Variants in SNED1 observed in about 807,000 individuals in gnomAD.
SNED1 encodes sushi, nidogen and EGF-like domain-containing protein 1.
A neutral mutation model predicts 166.7 loss-of-function variants in SNED1; 81 were observed. That is an observed-to-expected ratio of 0.49 (90% CI 0.41 to 0.58). The LOEUF is 0.58. Ranked by LOEUF, SNED1 falls within the 20% of genes least tolerant of loss-of-function variation. The pLI is 0.00. For synonymous variants in SNED1, 762 were observed against 822.0 expected, an observed-to-expected ratio of 0.93 and a Z score of 1.25; for missense variants, 1,604 against 2,000.2, an observed-to-expected ratio of 0.80 and a Z score of 3.78.
Position 241,033,862 on chromosome 2 carries a change from G to T in SNED1, c.629G>T (p.Gly210Val). 6.2e-7 allele frequency: 1 copy of T among 1,603,718 alleles called. No individual in the cohort carries two copies. The highest frequency in any genetic ancestry group is 8.5e-7 in the Non-Finnish European group (1 of 1,175,982). The change falls in exon 3 of 32, where the codon GGC (glycine) becomes GTC (valine). Residue 210 changes from glycine to valine, a missense_variant. By Grantham distance (109) the Gly-to-Val change is moderately radical. Around this residue, in one of 2 missense-constraint regions of SNED1, gnomAD observed 1,237 missense variants for 1,620.8 expected, o/e 0.76. Coordinates refer to ENST00000310397, the MANE Select transcript of SNED1 (RefSeq NM_001080437.3). ...GGGGGCAACGCCACTGGCCTCGGGG[G>T]CATCGCAGCCCAGGTAGGCGAGTGC... ...SSGGNATGLGGIAAQAGFNAG... is the reference protein window; with the variant it reads ...SSGGNATGLGVIAAQAGFNAG...
rs764185042 is a variant in SNED1, at chr2:241,034,650, C to T, written c.725C>T (p.Thr242Ile). Residue 242 changes from threonine (T) to isoleucine (I), a missense_variant, in exon 4 of 32, where the codon ACC becomes ATC. Around this residue, in one of 2 missense-constraint regions of SNED1, gnomAD observed 1,237 missense variants for 1,620.8 expected, o/e 0.76. Coordinates refer to ENST00000310397, the MANE Select transcript of SNED1 (RefSeq NM_001080437.3). ...RTADMAEVET[T>I]TNVGVPGRWA... is the part of the protein sequence containing the mutation. ...GCAGACATGGCCGAGGTGGAGACCA[C>T]CACCAACGTGGGTGTGCCCGGGCGC... The T allele has an allele frequency of 6.2e-7, 1 of 1,611,464 alleles. No individual in the cohort carries two copies. The highest frequency in any genetic ancestry group is 8.5e-7 in the Non-Finnish European group (1 of 1,179,344).
chr2:241,067,992 G>T (rs761029558), intron 22 of SNED1, 45 bp downstream of exon 22: 37 of 1,551,160 alleles, frequency 2.4e-5, no homozygotes, highest in Non-Finnish European at 3.3e-5. Flanking sequence ...GAAGGCAGGG[G>T]TGGGGGCTCG....
In SNED1 at chr2:240,998,778, C is replaced by T. The variant is rs2059990481; in HGVS notation, c.-60C>T. 1.0e-5 allele frequency: 9 copies of T among 873,504 alleles called. No homozygotes were observed. The highest frequency in any genetic ancestry group is 1.0e-3 in the Middle Eastern group (2 of 2,000). The allele number at this position is 873,504 out of a possible 1,614,324, so 54.1% of individuals were successfully genotyped here. On this transcript the variant is annotated 5_prime_UTR_variant, in exon 1 of 32. Transcript: ENST00000310397. The stretch of plus-strand genomic sequence containing the variant: ...TGGCCCTGCCGGCCACCCCCGCGCG[C>T]AGCCTAGTCCCCCAGCGCCCTGCTC...
chr2:241,008,558 C>T (rs974125659), intron 1 of SNED1, among the ~76,000 whole-genome samples: 3 of 152,216 alleles, frequency 2.0e-5, no homozygotes, highest in East Asian at 1.9e-4. Context: ...GTCACACTGC[C>T]GTCTGTCTGC....
Position 240,998,768 on chromosome 2 carries a change from C to T in SNED1, c.-70C>T. 3 of 767,148 alleles carry T rather than the reference C, an allele frequency of 3.9e-6. No homozygotes were observed. Among genetic ancestry groups the T allele is most frequent in the Non-Finnish European group, 3.2e-6 (2 of 620,820 alleles). 47.5% of individuals were successfully genotyped at this position (767,148 alleles called of 1,614,324 possible). A position where few individuals can be genotyped will look rare whatever the true frequency, so the allele number is the denominator to read the frequency against. ...GCACCCCGCCTGGCCCTGCCGGCCA[C>T]CCCCGCGCGCAGCCTAGTCCCCCAG... On this transcript the variant is annotated 5_prime_UTR_variant, in exon 1 of 32. Coordinates refer to ENST00000310397, the MANE Select transcript of SNED1 (RefSeq NM_001080437.3).
At chr2:241,063,809 G>A (rs1030200376) in intron 18 of SNED1, 109 bp downstream of exon 18, 2 of 892,632 alleles carry the variant, frequency 2.2e-6, no homozygotes, top group African/African-American at 3.4e-5. Context: ...CCTGGGGAGA[G>A]GGACCCCCAG....
chr2:241,036,973 A>T, intron 5 of SNED1, 58 bp downstream of exon 5: 1 of 1,553,346 alleles, frequency 6.4e-7, no homozygotes, highest in Non-Finnish European at 8.7e-7. Flanking sequence ...CAGGAGGAGC[A>T]CTGTAGGCTC....
At chr2:241,088,514 AG>A (rs1431328123) in intron 31 of SNED1, 112 bp downstream of exon 31, 70 of 868,768 alleles carry the variant, frequency 8.1e-5, no homozygotes, top group Non-Finnish European at 1.0e-4. Flanking sequence ...GCACTGCTAA[AG>A]GAAGCGCGGT....
rs1362951794 is a variant in SNED1, at chr2:241,070,074, G to A, written c.3462G>A (p.Gly1154=). The A allele has an allele frequency of 6.2e-7, 1 of 1,613,132 alleles. No individual in the cohort carries two copies. Among genetic ancestry groups the A allele is most frequent in the South Asian group, 1.1e-5 (1 of 91,088 alleles). The change falls in exon 24 of 32, where the codon GGG becomes GGA. Residue 1154 remains glycine, a synonymous_variant. Coordinates refer to ENST00000310397, the MANE Select transcript of SNED1 (RefSeq NM_001080437.3). ...QSTKSRYVPN[G]KLASYTVRDL... is the part of the protein sequence containing the mutation. ...CCAAGAGCCGCTATGTCCCCAACGG[G>A]AAGCTGGCGTCCTACACGGTGCGCG...
At chr2:241,046,880 C>T (rs2061662023) in intron 8 of SNED1, among the ~76,000 whole-genome samples, 2 of 152,262 alleles carry the variant, frequency 1.3e-5, no homozygotes, top group Non-Finnish European at 2.9e-5. Flanking sequence ...CGTGGTGGCT[C>T]ACCCCTGTAA....
At chr2:241,087,591 C>A in intron 30 of SNED1, 116 bp downstream of exon 30, 4 of 1,453,386 alleles carry the variant, frequency 2.8e-6, no homozygotes, top group Non-Finnish European at 3.6e-6. Context: ...GCGGTCTACT[C>A]GCCCAGATAG....
chr2:241,078,261 T>C (rs960078214), intron 27 of SNED1, among the ~76,000 whole-genome samples: 5 of 151,388 alleles, frequency 3.3e-5, no homozygotes, highest in African/African-American at 4.9e-5. Flanking sequence ...CGGGCGCCTG[T>C]AGTCCCAGCT....
At chr2:241,027,084 CTTTTT>C (rs34995414) in intron 1 of SNED1, among the ~76,000 whole-genome samples, 2 of 148,014 alleles carry the variant, frequency 1.4e-5, no homozygotes, top group Non-Finnish European at 3.0e-5. Flanking sequence ...GATTTCCCTA[CTTTTT>C]TTTTTTTTAA....
intron 31 of SNED1, chr2:241,090,569 T>C: frequency 8.7e-7 from 1 of 1,143,408 alleles, no homozygotes; most frequent in Non-Finnish European, 1.2e-6. Context: ...GGCAGTGCAG[T>C]AGGTTTGTAT....
rs2064259186 is a variant in SNED1, at chr2:241,094,502, G to A, written c.*2866G>A. 2.3e-6 allele frequency: 1 copy of A among 436,736 alleles called. No homozygotes were observed. Among genetic ancestry groups the A allele is most frequent in the Non-Finnish European group, 4.8e-6 (1 of 210,484 alleles). The allele number at this position is 436,736 out of a possible 1,614,324, so 27.1% of individuals were successfully genotyped here. A position where few individuals can be genotyped will look rare whatever the true frequency, so the allele number is the denominator to read the frequency against. On this transcript the variant is annotated 3_prime_UTR_variant, in exon 32 of 32. Coordinates refer to ENST00000310397, the MANE Select transcript of SNED1 (RefSeq NM_001080437.3). The surrounding 1 kb of genome is among the most constrained non-coding windows in gnomAD (Gnocchi z 4.3). The stretch of plus-strand genomic sequence containing the variant: ...AATTGCATGCAGCTCACACCTACCA[G>A]GGGTATTCCAGTGCATAGGGGAAAG...
At chr2:241,011,405 G>GACAA (rs1363404267) in intron 1 of SNED1, among the ~76,000 whole-genome samples, 1 of 152,020 alleles carries the variant, frequency 6.6e-6, no homozygotes, top group Non-Finnish European at 1.5e-5. Context: ...GACCCCAGCA[G>GACAA]ACAAACACTG....
In SNED1 at chr2:241,073,448, C is replaced by T; in HGVS notation, c.3916+84C>T. The T allele has an allele frequency of 8.9e-7, 1 of 1,127,194 alleles. No individual in the cohort carries two copies. The highest frequency in any genetic ancestry group is 1.3e-6 in the Non-Finnish European group (1 of 760,818). The allele number at this position is 1,127,194 out of a possible 1,614,324, so 69.8% of individuals were successfully genotyped here. A position where few individuals can be genotyped will look rare whatever the true frequency, so the allele number is the denominator to read the frequency against. ...GAGGCTGCAGGCAGGAGGGACCACC[C>T]ACGGTGAGGAATCAGGAGGCACAGA... On this transcript the variant is annotated intron_variant, in intron 27 of 31. Transcript: ENST00000310397. The surrounding 1 kb of genome is among the most constrained non-coding windows in gnomAD (Gnocchi z 6.6).
At chr2:241,079,710 T>G (rs536871822) in intron 27 of SNED1, among the ~76,000 whole-genome samples, 1 of 152,228 alleles carries the variant, frequency 6.6e-6, no homozygotes, top group South Asian at 2.1e-4. Context: ...TAAGTAAACC[T>G]AGTTATCATG....
intron 1 of SNED1, among the ~76,000 whole-genome samples, chr2:241,016,257 C>T (rs988608769): frequency 9.2e-5 from 13 of 141,150 alleles, no homozygotes; most frequent in Non-Finnish European, 1.8e-4. Flanking sequence ...TGCAGTGGCA[C>T]GATCTTGGCT....
Sources: allele counts gnomAD v4.1 joint callset (sites outside exome capture counted in the v4.1 genomes callset), GRCh38; gene constraint gnomAD v4.1.1; regional missense constraint gnomAD v4.1.1; non-coding constraint Gnocchi (gnomAD v3.1); transcripts MANE v1.5; gene names NCBI Gene and HGNC (gene_info 2026-07-23, HGNC 2026-07-21).